The following DENND1C variants were observed in gnomAD, a reference collection of about 807,000 sequenced individuals.
DENND1C encodes DENN domain containing 1C.
Under a neutral mutation model 87.9 loss-of-function variants are expected in DENND1C, and 64 were observed. The ratio of observed to expected loss-of-function variants is 0.73; its 90% CI spans 0.60 to 0.90. The LOEUF is 0.90. Among genes scored for constraint, DENND1C ranks in the 40% least tolerant of loss-of-function variants. The pLI is 0.00. For synonymous variants in DENND1C, 384 were observed against 424.4 expected, an observed-to-expected ratio of 0.90 and a Z score of 1.17; for missense variants, 980 against 1,037.0, an observed-to-expected ratio of 0.95 and a Z score of 0.76.
chr19:6,471,643 A>C, intron 15 of DENND1C, 147 bp from the exon 16 acceptor site: 1 of 670,722 alleles, frequency 1.5e-6, no homozygotes, highest in Admixed American at 3.1e-5. Flanking sequence ...AGCCCACTTT[A>C]TTTTTTATTT....
chr19:6,468,078 G>A lies in DENND1C; in HGVS notation c.1832C>T (p.Pro611Leu). The A allele has an allele frequency of 6.2e-7, 1 of 1,613,822 alleles. No homozygotes were observed. The highest frequency in any genetic ancestry group is 1.1e-5 in the South Asian group (1 of 91,058). Residue 611 changes from proline (P) to leucine (L), a missense_variant, in exon 23 of 23, where the codon CCA becomes CTA. Physicochemically the swap from Pro to Leu is moderately conservative, Grantham distance 98 (BLOSUM62 -3). Transcript: ENST00000381480. ...GGAAAGGGGCTGGGGCTCCGGCTCT[G>A]GTAGTTTCTTATCGTCTGGTTGCCA... ...PRWQPDDKKL[P>L]EPEPQPLSLP...
chr19:6,476,849 C>A lies in DENND1C; in HGVS notation c.678+8G>T, dbSNP rs190712565. On this transcript the variant is annotated splice_region_variant and intron_variant, in intron 10 of 22. Coordinates refer to ENST00000381480, the MANE Select transcript of DENND1C (RefSeq NM_024898.4). ...GCTCCCACCCCGGCCCGGCGGACCC[C>A]GCCTCACGGTGCTGAGTTTGCTGGC... 1.9e-6 allele frequency: 3 copies of A among 1,608,570 alleles called. No homozygotes were observed. Among genetic ancestry groups the A allele is most frequent in the African/African-American group, 1.3e-5 (1 of 74,860 alleles).
chr19:6,478,955 C>T lies in DENND1C; in HGVS notation c.278G>A (p.Ser93Asn), dbSNP rs1247964743. The change falls in exon 5 of 23, where the codon AGC becomes AAC. Residue 93 changes from serine (S) to asparagine (N), a missense_variant. By Grantham distance (46) the Ser-to-Asn change is conservative. Transcript: ENST00000381480. ...CCCGCACCTGAGGATGCAGAGACAG[C>T]TCTGGGTACCCGCCCGCAGGCGGCA... ...GFCRLRAGTQ[S>N]CLCILSHLPW... 6.2e-7 allele frequency: 1 copy of T among 1,613,962 alleles called. No homozygotes were observed. The highest frequency in any genetic ancestry group is 8.5e-7 in the Non-Finnish European group (1 of 1,179,860).
chr19:6,477,966 T>C (rs1746015844), intron 6 of DENND1C, among the ~76,000 whole-genome samples: 2 of 150,848 alleles, frequency 1.3e-5, no homozygotes, highest in South Asian at 2.1e-4. Flanking sequence ...TCCCAGCTAC[T>C]TGGGAGACTG....
rs1042982763 is a variant in DENND1C, at chr19:6,472,971, T to A, written c.1076A>T (p.Glu359Val). Reference sequence around the variant, plus strand: ...AGGCTTCTGGGCCAAGAAGACTTCCTCACTGAAGGTCACTGGCTGGCCCTG... The same window carrying A: ...AGGCTTCTGGGCCAAGAAGACTTCCACACTGAAGGTCACTGGCTGGCCCTG... ...CSPGQPVTFSEEVFLAQKPGA... is the reference protein window; with the variant it reads ...CSPGQPVTFSVEVFLAQKPGA... The change falls in exon 15 of 23, where the codon GAG becomes GTG. Residue 359 changes from glutamate (E) to valine (V), a missense_variant. Coordinates refer to ENST00000381480, the MANE Select transcript of DENND1C (RefSeq NM_024898.4). The A allele has an allele frequency of 6.4e-7, 1 of 1,571,516 alleles. No homozygotes were observed. The highest frequency in any genetic ancestry group is 8.6e-7 in the Non-Finnish European group (1 of 1,159,870).
chr19:6,468,992 A>C, intron 19 of DENND1C, 39 bp from the exon 20 acceptor site: 1 of 1,231,212 alleles, frequency 8.1e-7, no homozygotes, highest in Non-Finnish European at 1.1e-6. Context: ...TCTGCCACAG[A>C]GTCTCCCCAC....
In DENND1C at chr19:6,477,198, G is replaced by C; in HGVS notation, c.513+20C>G. The C allele has an allele frequency of 6.3e-7, 1 of 1,588,926 alleles. No homozygotes were observed. Among genetic ancestry groups the C allele is most frequent in the Non-Finnish European group, 8.6e-7 (1 of 1,168,448 alleles). On this transcript the variant is annotated intron_variant, in intron 8 of 22. Coordinates refer to ENST00000381480, the MANE Select transcript of DENND1C (RefSeq NM_024898.4). The stretch of plus-strand genomic sequence containing the variant: ...CTCACCTGGACCCCCGACCTTCCAG[G>C]GTCCCCGAGCCCCGCTCACCGGCTT...
chr19:6,473,456 G>GTT (rs1206263146), intron 14 of DENND1C, among the ~76,000 whole-genome samples: 1 of 77,838 alleles, frequency 1.3e-5, no homozygotes, highest in Admixed American at 1.4e-4. Context: ...CCCAGCCCTG[G>GTT]TTTTTTTTTT....
Position 6,475,328 on chromosome 19 carries a change from G to C in DENND1C, c.999C>G (p.Leu333=), listed in dbSNP as rs2092852368. The C allele has an allele frequency of 1.2e-6, 2 of 1,613,288 alleles. No individual in the cohort carries two copies. Among genetic ancestry groups the C allele is most frequent in the Non-Finnish European group, 1.7e-6 (2 of 1,179,742 alleles). ...CCCCGAAGAGCAGGGCCTGGGCTTT[G>C]AGGAAGAGACGGGACACCCCTTCCC... The part of the protein sequence containing the change: ...APGEGVSRLF[L]KAQALLFGGY... Residue 333 remains leucine, a synonymous_variant, in exon 14 of 23, where the codon CTC becomes CTG. Transcript: ENST00000381480.
intron 4 of DENND1C, 148 bp from the exon 5 acceptor site, chr19:6,479,204 C>CCTGGGTCCCTGAATCT (rs2092882182): frequency 1.3e-5 from 15 of 1,156,728 alleles, no homozygotes; most frequent in Admixed American, 1.2e-4. Context: ...TCTCAGAATC[C>CCTGGGTCCCTGAATCT]CTGGGTCCCT....
Position 6,467,232 on chromosome 19 carries a change from T to G in DENND1C, c.*272A>C. ...TGAGATGTAACAAAAGCTTTATTGG[T>G]GTGTTTGAGCTGGTGGGTGCATTAG... On this transcript the variant is annotated 3_prime_UTR_variant, in exon 23 of 23. Transcript: ENST00000381480. 1.9e-6 allele frequency: 1 copy of G among 525,538 alleles called. No homozygotes were observed. Among genetic ancestry groups the G allele is most frequent in the Non-Finnish European group, 3.2e-6 (1 of 309,664 alleles). 32.6% of individuals were successfully genotyped at this position (525,538 alleles called of 1,614,324 possible). A position where few individuals can be genotyped will look rare whatever the true frequency, so the allele number is the denominator to read the frequency against.
intron 10 of DENND1C, 189 bp from the exon 11 acceptor site, chr19:6,476,126 G>A: frequency 1.7e-6 from 1 of 599,848 alleles, no homozygotes; most frequent in East Asian, 2.9e-5. Flanking sequence ...AGTGCTTTAA[G>A]CGGGTGAAGC....
intron 17 of DENND1C, 111 bp downstream of exon 17, chr19:6,471,154 C>G: frequency 6.8e-7 from 1 of 1,460,362 alleles, no homozygotes; most frequent in Non-Finnish European, 9.3e-7. Context: ...TCACGTTGCC[C>G]TAACCGGTCT....
intron 15 of DENND1C, among the ~76,000 whole-genome samples, 156 bp downstream of exon 15, chr19:6,472,733 C>T (rs1000987700): frequency 6.6e-6 from 1 of 152,174 alleles, no homozygotes; most frequent in African/African-American, 2.4e-5. Flanking sequence ...TCCTTCCCCA[C>T]TTGGGAACCC....
At chr19:6,471,613 C>G (rs1057390702) in intron 15 of DENND1C, 117 bp from the exon 16 acceptor site, 4 of 879,220 alleles carry the variant, frequency 4.5e-6, no homozygotes, top group African/African-American at 1.7e-5. Flanking sequence ...CTGCCCACCC[C>G]CAAGCACCTG....
At chr19:6,472,385 T>TTTTTG (rs1053231788) in intron 15 of DENND1C, among the ~76,000 whole-genome samples, 7 of 151,856 alleles carry the variant, frequency 4.6e-5, no homozygotes, top group Admixed American at 6.6e-5. Flanking sequence ...GGCTCCCATG[T>TTTTTG]TTTTGTTTTG....
At chr19:6,477,338 C>T (rs1480405255) in intron 7 of DENND1C, 40 bp downstream of exon 7, 1 of 1,609,554 alleles carries the variant, frequency 6.2e-7, no homozygotes, top group African/African-American at 1.3e-5. Flanking sequence ...GCCTTCCCAT[C>T]CACCTAAGGT....
Position 6,468,424 on chromosome 19 carries a change from G to C in DENND1C, c.1601C>G (p.Pro534Arg), listed in dbSNP as rs1449128939. 6.2e-7 allele frequency: 1 copy of C among 1,612,908 alleles called. No homozygotes were observed. Among genetic ancestry groups the C allele is most frequent in the East Asian group, 2.2e-5 (1 of 44,848 alleles). The change falls in exon 22 of 23, where the codon CCT (proline) becomes CGT (arginine). Residue 534 changes from proline (P) to arginine (R), a missense_variant. By Grantham distance (103) the Pro-to-Arg change is moderately radical (BLOSUM62 -2). Transcript: ENST00000381480. ...PPGAGTPPLS[P>R]EDEGCPWAEE... ...TGCCCACGGGCACCCCTCATCCTCA[G>C]GGCTCAGTGGGGGTGTCCTGGGTGA...
intron 9 of DENND1C, 46 bp downstream of exon 9, chr19:6,477,027 CG>C: frequency 6.2e-7 from 1 of 1,613,284 alleles, no homozygotes; most frequent in Non-Finnish European, 8.5e-7. Context: ...ATCCCCGGTC[CG>C]GGTTTCGGGA....
Sources: allele counts gnomAD v4.1 joint callset (sites outside exome capture counted in the v4.1 genomes callset), GRCh38; gene constraint gnomAD v4.1.1; transcripts MANE v1.5; gene names NCBI Gene and HGNC (gene_info 2026-07-23, HGNC 2026-07-21).